SLC36A2: variants seen among roughly 807,000 people sequenced by gnomAD.
SLC36A2 encodes the protein proton-coupled amino acid transporter 2.
A neutral mutation model predicts 42.7 loss-of-function variants in SLC36A2; 39 were observed. The ratio of observed to expected loss-of-function variants is 0.91; its 90% CI spans 0.71 to 1.19. The LOEUF (loss-of-function observed/expected upper bound fraction) is 1.19. SLC36A2 is among the 50% of genes most tolerant of loss of function. The pLI is 0.00. For synonymous variants in SLC36A2, 237 were observed against 240.8 expected (o/e 0.98, Z 0.15); for missense variants, 590 against 613.7 (o/e 0.96, Z 0.41).
At chr5:151,328,263 C>T (rs971451644) in intron 7 of SLC36A2, among the ~76,000 whole-genome samples, 2 of 152,134 alleles carry the variant, frequency 1.3e-5, no homozygotes, top group African/African-American at 4.8e-5. Context: ...GGATGAAATA[C>T]ATAAAGCAAT....
At chr5:151,318,815 C>T (rs970341550) in intron 9 of SLC36A2, among the ~76,000 whole-genome samples, 5 of 151,924 alleles carry the variant, frequency 3.3e-5, no homozygotes, top group Admixed American at 6.6e-5. Flanking sequence ...AAACCCCTAA[C>T]AAAGAAACAC....
intron 5 of SLC36A2, among the ~76,000 whole-genome samples, chr5:151,338,090 A>C (rs1407713445): frequency 6.6e-6 from 1 of 152,200 alleles, no homozygotes; most frequent in Admixed American, 6.5e-5. Flanking sequence ...AAGGTCATGG[A>C]GATAATTCAA....
chr5:151,334,935 A>G (rs866910012), intron 6 of SLC36A2, among the ~76,000 whole-genome samples: 2 of 151,032 alleles, frequency 1.3e-5, no homozygotes, highest in African/African-American at 4.9e-5. Context: ...TTGCCTTCCT[A>G]TTGGGTACCT....
chr5:151,337,759 G>A (rs1756201028), intron 5 of SLC36A2, among the ~76,000 whole-genome samples: 2 of 152,158 alleles, frequency 1.3e-5, no homozygotes, highest in Non-Finnish European at 1.5e-5. Context: ...TCCAGCAATA[G>A]AAGATTGATT....
intron 1 of SLC36A2, among the ~76,000 whole-genome samples, chr5:151,345,881 T>G (rs2127302920): frequency 6.6e-6 from 1 of 152,302 alleles, no homozygotes; most frequent in East Asian, 1.9e-4. Flanking sequence ...TTACAGACAC[T>G]GTGTCTGGGG....
At chr5:151,318,529 A>AATT in intron 9 of SLC36A2, among the ~76,000 whole-genome samples, 1 of 132,444 alleles carries the variant, frequency 7.6e-6, no homozygotes, top group Non-Finnish European at 1.6e-5. Context: ...AAAATATAAT[A>AATT]ATTATTTATA....
intron 7 of SLC36A2, among the ~76,000 whole-genome samples, chr5:151,330,027 G>C (rs1446947389): frequency 6.6e-6 from 1 of 152,092 alleles, no homozygotes; most frequent in African/African-American, 2.4e-5. Flanking sequence ...TTAGGGGGGT[G>C]GGGGAGCGGG....
At position 151,340,095 on chromosome 5, in the gene SLC36A2, AGAG is replaced by A. The variant is rs200556944; in HGVS notation, c.441-954_441-952del. Among the ~76,000 whole-genome samples, 1,427 of 149,174 alleles carry A rather than the reference AGAG, an allele frequency of 9.6e-3. 75 individuals are homozygous for A. In the East Asian group the frequency reaches 0.14, roughly 14 times the overall value. On this transcript the variant is annotated intron_variant, in intron 4 of 9. Transcript: ENST00000335244. ...AAGAAGAAAAAGGAGGAGAGGAAAAAGAGGAGAAGGAGGAGGAAGAAGAGGAGG... is the reference window on the plus strand; with the variant it reads ...AAGAAGAAAAAGGAGGAGAGGAAAAAGAGAAGGAGGAGGAAGAAGAGGAGG...
chr5:151,338,870 T>C (rs762024924), intron 5 of SLC36A2, 190 bp downstream of exon 5: 1 of 527,064 alleles, frequency 1.9e-6, no homozygotes, highest in Non-Finnish European at 3.7e-6. Flanking sequence ...GGATAAAGGG[T>C]ATTGTGGCAA....
intron 7 of SLC36A2, among the ~76,000 whole-genome samples, chr5:151,330,619 G>C (rs1366040426): frequency 1.3e-5 from 2 of 152,334 alleles, no homozygotes; most frequent in East Asian, 3.8e-4. Flanking sequence ...AAGAGCGACA[G>C]AAATGGTAAA....
At chr5:151,336,700 C>G (rs1266242799) in intron 5 of SLC36A2, among the ~76,000 whole-genome samples, 1 of 150,388 alleles carries the variant, frequency 6.6e-6, no homozygotes, top group South Asian at 2.1e-4. Flanking sequence ...CCCACCCCCC[C>G]ACACATTATG....
At position 151,347,532 on chromosome 5, in the gene SLC36A2, C is replaced by T. The variant is rs920197445; in HGVS notation, c.-72G>A. 6.3e-7 allele frequency: 1 copy of T among 1,579,142 alleles called. No homozygotes were observed. Among genetic ancestry groups the T allele is most frequent in the Non-Finnish European group, 8.7e-7 (1 of 1,153,386 alleles). On this transcript the variant is annotated 5_prime_UTR_variant, in exon 1 of 10. Coordinates refer to ENST00000335244, the MANE Select transcript of SLC36A2 (RefSeq NM_181776.3). ...TGGAAGGAGGGAAGCAGGAAGGTGT[C>T]TAGTGTAGATGTACACCCCAGCACA...
At chr5:151,342,863 T>C in intron 4 of SLC36A2, 25 bp downstream of exon 4, 2 of 1,605,120 alleles carry the variant, frequency 1.2e-6, no homozygotes, top group African/African-American at 1.3e-5. Flanking sequence ...CCTACCCCAC[T>C]GCAGGCAAAG....
rs1349817021 is a variant in SLC36A2, at chr5:151,316,985, G to A, written c.1284C>T (p.Val428=). 1.9e-6 allele frequency: 3 copies of A among 1,614,036 alleles called. No individual in the cohort carries two copies. The highest frequency in any genetic ancestry group is 2.5e-6 in the Non-Finnish European group (3 of 1,179,962). ...TCATGCCCTCTGAGTAGAACGTGGT[G>A]ACCTCCAGGAGCGGTGGGATGATGA... ...LALIIPPLLE[V]TTFYSEGMSP... Residue 428 remains valine, a synonymous_variant, in exon 10 of 10, where the codon GTC becomes GTT. Transcript: ENST00000335244.
At chr5:151,347,172 T>G (rs1378072878) in intron 1 of SLC36A2, 125 bp downstream of exon 1, 4 of 1,221,430 alleles carry the variant, frequency 3.3e-6, no homozygotes, top group Non-Finnish European at 3.6e-6. Flanking sequence ...TGACTGCACC[T>G]TTTGCAACCT....
At chr5:151,340,078 A>G (rs1435415471) in intron 4 of SLC36A2, among the ~76,000 whole-genome samples, 1 of 151,760 alleles carries the variant, frequency 6.6e-6, no homozygotes, top group Non-Finnish European at 1.5e-5. Flanking sequence ...AAAAGAAGAA[A>G]AAGGAGGAGA....
rs1226173630 is a variant in SLC36A2, at chr5:151,325,431, T to C, written c.865A>G (p.Met289Val). ...GCTGGGAAGTGGCGGGCATTCTTCA[T>C]CTTGTTTTCCAGAGGCAGAACCTAC... is the stretch of plus-strand genomic sequence containing the variant. ...IGVVLPLENK[M>V]KNARHFPAIL... Residue 289 changes from methionine to valine, a missense_variant, in exon 8 of 10, where the codon ATG becomes GTG. Met to Val is a conservative substitution (Grantham distance 21). Coordinates refer to ENST00000335244, the MANE Select transcript of SLC36A2 (RefSeq NM_181776.3). The C allele has an allele frequency of 6.2e-7, 1 of 1,613,976 alleles. No homozygotes were observed. The highest frequency in any genetic ancestry group is 8.5e-7 in the Non-Finnish European group (1 of 1,180,028).
chr5:151,339,276 C>A (rs564894939), intron 4 of SLC36A2, 132 bp from the exon 5 acceptor site: 212 of 625,882 alleles, frequency 3.4e-4, no homozygotes, highest in Middle Eastern at 2.1e-3. Context: ...GTCCTTCCAC[C>A]ACAATCAACA....
At chr5:151,326,652 C>G (rs1370831227) in intron 7 of SLC36A2, among the ~76,000 whole-genome samples, 1 of 152,094 alleles carries the variant, frequency 6.6e-6, no homozygotes, top group African/African-American at 2.4e-5. Context: ...AACCAATCTT[C>G]CTGTCTCTCA....
Sources: gnomAD v4.1 joint callset for allele counts (sites outside exome capture counted in the v4.1 genomes callset) on GRCh38, gnomAD v4.1.1 for gene constraint, MANE v1.5 for transcripts, NCBI Gene and HGNC (gene_info 2026-07-23, HGNC 2026-07-21) for gene names.